Variants in ADGRL3 observed in about 807,000 individuals in gnomAD.
The protein encoded by ADGRL3 is calcium-independent alpha-latrotoxin receptor 3.
Under a neutral mutation model 153.5 loss-of-function variants are expected in ADGRL3, and 62 were observed. The observed-to-expected ratio is 0.40, with a 90% CI of 0.33 to 0.50. The LOEUF is 0.50. Ranked by LOEUF, ADGRL3 falls within the 20% of genes least tolerant of loss-of-function variation. The pLI is 0.47. For synonymous variants in ADGRL3, 710 were observed against 672.5 expected (o/e 1.06, Z -0.86); for missense variants, 1,641 against 1,859.4 (o/e 0.88, Z 2.16).
At chr4:61,883,259 G>A (rs1159720198) in intron 9 of ADGRL3, among the ~76,000 whole-genome samples, 4 of 151,396 alleles carry the variant, frequency 2.6e-5, no homozygotes, top group South Asian at 2.1e-4. Flanking sequence ...CCTATTTATC[G>A]TCTGTCTCTC....
chr4:61,796,781 G>A (rs1038786138), intron 8 of ADGRL3, among the ~76,000 whole-genome samples: 2 of 151,438 alleles, frequency 1.3e-5, no homozygotes, highest in Non-Finnish European at 2.9e-5. Flanking sequence ...TTTTTCTTTA[G>A]AATTGTTTAA....
At chr4:61,361,338 G>A (rs1331434657) in intron 1 of ADGRL3, among the ~76,000 whole-genome samples, 1 of 152,204 alleles carries the variant, frequency 6.6e-6, no homozygotes. Flanking sequence ...CATGAGATGA[G>A]AGGGAAGCTT....
chr4:61,449,201 T>A (rs183511767), intron 2 of ADGRL3, among the ~76,000 whole-genome samples: 8 of 152,160 alleles, frequency 5.3e-5, no homozygotes, highest in Non-Finnish European at 1.2e-4. Context: ...AATGGGGTGA[T>A]CCTGGCTCAC....
In ADGRL3 at chr4:61,202,686, C is replaced by T. The variant is rs988509967; in HGVS notation, c.-240+921C>T. The stretch of plus-strand genomic sequence containing the variant: ...AGCGTCTGAGCTGCCGCGACCCAGC[C>T]TCCGGTCCCACGTCGGAGCTCAGAA... On this transcript the variant is annotated intron_variant, in intron 1 of 26. Coordinates refer to ENST00000683033, the MANE Select transcript of ADGRL3 (RefSeq NM_001387552.1). The surrounding 1 kb of genome is among the most constrained non-coding windows in gnomAD (Gnocchi z 5.0). 6.6e-6 allele frequency among the ~76,000 whole-genome samples: 1 copy of T among 152,140 alleles called. No individual in the cohort carries two copies. The highest frequency in any genetic ancestry group is 1.5e-5 in the Non-Finnish European group (1 of 68,032).
chr4:61,519,897 A>G (rs1298334614), intron 4 of ADGRL3, among the ~76,000 whole-genome samples: 1 of 152,226 alleles, frequency 6.6e-6, no homozygotes, highest in Non-Finnish European at 1.5e-5. Flanking sequence ...GCAATCTTTG[A>G]TTCAAAAACA....
At position 61,922,768 on chromosome 4, in the gene ADGRL3, C is replaced by T. The variant is rs541887972; in HGVS notation, c.2112+10011C>T. On this transcript the variant is annotated intron_variant, in intron 13 of 26. Transcript: ENST00000683033. ...ACACTGTTTCAGGTGCAGGGATTCA[C>T]GGGTGAACACAGAGTTTCTGTCTCG... Among the ~76,000 whole-genome samples the T allele has an allele frequency of 1.1e-4, 17 of 152,230 alleles. No homozygotes were observed. The East Asian group carries it at 1.7e-3, about 16-fold the overall frequency.
intron 2 of ADGRL3, among the ~76,000 whole-genome samples, chr4:61,455,280 T>G (rs1221048878): frequency 6.6e-6 from 1 of 152,150 alleles, no homozygotes; most frequent in Non-Finnish European, 1.5e-5. Context: ...CGAAGCAGTA[T>G]GACTAAAAAT....
intron 1 of ADGRL3, among the ~76,000 whole-genome samples, chr4:61,356,573 A>T (rs544805774): frequency 1.3e-5 from 2 of 152,190 alleles, no homozygotes; most frequent in South Asian, 4.1e-4. Flanking sequence ...GCACTTTGTA[A>T]TACTGCAGTG....
intron 2 of ADGRL3, among the ~76,000 whole-genome samples, chr4:61,481,208 C>T (rs1376329422): frequency 6.6e-6 from 1 of 152,012 alleles, no homozygotes; most frequent in Non-Finnish European, 1.5e-5. Context: ...TTCATTCTTG[C>T]TAAAATTACC....
rs184683081 is a variant in ADGRL3, at chr4:61,553,515, G to A, written c.260-33712G>A. On this transcript the variant is annotated intron_variant, in intron 4 of 26. Transcript: ENST00000683033. ...AGCTAAAATGTATTAATGATTTAGC[G>A]TTAAAATAGATTCAGCCTCCAAGTT... is the stretch of plus-strand genomic sequence containing the variant. Among the ~76,000 whole-genome samples the A allele has an allele frequency of 7.1e-3, 1,076 of 152,058 alleles. 16 individuals are homozygous for A. Among genetic ancestry groups the A allele is most frequent in the Non-Finnish European group, 8.4e-3 (572 of 67,980 alleles).
intron 3 of ADGRL3, among the ~76,000 whole-genome samples, chr4:61,502,850 T>C (rs1229761657): frequency 6.6e-6 from 1 of 152,238 alleles, no homozygotes; most frequent in East Asian, 1.9e-4. Flanking sequence ...GGTTGACTTC[T>C]AAGCTCTGCT....
chr4:61,389,836 A>G (rs1229059449), intron 2 of ADGRL3, among the ~76,000 whole-genome samples: 2 of 152,178 alleles, frequency 1.3e-5, no homozygotes. Flanking sequence ...GGTGACCTTT[A>G]GAAATCTACA....
chr4:61,796,850 A>G (rs1310150181), intron 8 of ADGRL3, among the ~76,000 whole-genome samples: 1 of 152,230 alleles, frequency 6.6e-6, no homozygotes, highest in Non-Finnish European at 1.5e-5. Context: ...AACAAAATAC[A>G]AAAGGATAAA....
chr4:61,325,507 T>G (rs1286314101), intron 1 of ADGRL3, among the ~76,000 whole-genome samples: 2 of 152,176 alleles, frequency 1.3e-5, no homozygotes, highest in African/African-American at 4.8e-5. Flanking sequence ...ACTTTGAAGG[T>G]TGAGTGTGAA....
At chr4:61,985,953 G>T (rs1333705139) in intron 19 of ADGRL3, among the ~76,000 whole-genome samples, 2 of 147,684 alleles carry the variant, frequency 1.4e-5, no homozygotes, top group East Asian at 3.9e-4. Context: ...TGTCCCTAAA[G>T]ATGTCTTAGG....
In ADGRL3 at chr4:61,947,074, C is replaced by G; in HGVS notation, c.2580C>G (p.Asn860Lys). 1.9e-6 allele frequency: 3 copies of G among 1,613,814 alleles called. No homozygotes were observed. The highest frequency in any genetic ancestry group is 2.5e-6 in the Non-Finnish European group (3 of 1,179,788). ...ITAAINKEFSNKVYLADPVVF... is the reference protein window; with the variant it reads ...ITAAINKEFSKKVYLADPVVF... ...CAGCAATAAACAAAGAGTTCAGTAA[C>G]AAGGTTTATTTGGCTGATCCTGTGG... Residue 860 changes from asparagine (N) to lysine (K), a missense_variant, in exon 16 of 27, where the codon AAC (asparagine) becomes AAG (lysine). Asn to Lys is a moderately conservative substitution (Grantham distance 94, BLOSUM62 0). This residue lies in a region of ADGRL3 where 734 missense variants were observed against 797.0 expected (regional missense o/e 0.92). Coordinates refer to ENST00000683033, the MANE Select transcript of ADGRL3 (RefSeq NM_001387552.1).
At chr4:61,463,466 C>G (rs780873307) in intron 2 of ADGRL3, among the ~76,000 whole-genome samples, 2 of 152,228 alleles carry the variant, frequency 1.3e-5, no homozygotes, top group East Asian at 1.9e-4. Context: ...TGAAAACTCA[C>G]TCACTATCAT....
intron 5 of ADGRL3, among the ~76,000 whole-genome samples, chr4:61,599,741 T>C (rs2099003292): frequency 6.6e-6 from 1 of 152,134 alleles, no homozygotes; most frequent in Non-Finnish European, 1.5e-5. Flanking sequence ...CTGGTTTCTA[T>C]GGCTAGCCTC....
intron 8 of ADGRL3, among the ~76,000 whole-genome samples, chr4:61,792,588 C>G (rs143854043): frequency 0.075 from 11,346 of 151,672 alleles, 503 homozygotes; most frequent in Middle Eastern, 0.15. Context: ...CTCCCTGGTT[C>G]AAGTGATTCT....
Sources: gnomAD v4.1 joint callset for allele counts (sites outside exome capture counted in the v4.1 genomes callset) on GRCh38, gnomAD v4.1.1 for gene constraint, gnomAD v4.1.1 regional missense constraint, Gnocchi (gnomAD v3.1) non-coding constraint, MANE v1.5 for transcripts, NCBI Gene and HGNC (gene_info 2026-07-23, HGNC 2026-07-21) for gene names.